The following ZZZ3 variants were observed in gnomAD, a reference collection of about 807,000 sequenced individuals.
The protein encoded by ZZZ3 is ZZ-type zinc finger-containing protein 3.
ZZZ3 carries 22 observed loss-of-function variants against 95.2 expected under a neutral mutation model. The ratio of observed to expected loss-of-function variants is 0.23; its 90% CI spans 0.17 to 0.33. ZZZ3 has a LOEUF of 0.33. Among genes scored for constraint, ZZZ3 ranks in the 10% least tolerant of loss-of-function variants. The probability of loss-of-function intolerance (pLI) is 1.00; values close to 1 mark genes in which losing one functional copy is unlikely to be tolerated. For synonymous variants in ZZZ3, 335 were observed against 358.9 expected (o/e 0.93, Z 0.75); for missense variants, 885 against 1,066.5 (o/e 0.83, Z 2.37).
chr1:77,590,573 A>G (rs1168245709), intron 5 of ZZZ3, among the ~76,000 whole-genome samples: 1 of 152,254 alleles, frequency 6.6e-6, no homozygotes, highest in African/African-American at 2.4e-5. Context: ...AAAGTTTGCC[A>G]AGCCATGCTC....
At chr1:77,610,349 G>A (rs1665669093) in intron 5 of ZZZ3, among the ~76,000 whole-genome samples, 1 of 151,834 alleles carries the variant, frequency 6.6e-6, no homozygotes, top group Non-Finnish European at 1.5e-5. Flanking sequence ...AGAAAACCCT[G>A]GGACCCAATG....
At chr1:77,581,951 C>A in intron 7 of ZZZ3, 28 bp downstream of exon 7, 1 of 1,600,684 alleles carries the variant, frequency 6.2e-7, no homozygotes, top group South Asian at 1.1e-5. Flanking sequence ...TATTTTTCTA[C>A]TTAAATTCTT....
chr1:77,655,316 G>A (rs796414769), intron 1 of ZZZ3, among the ~76,000 whole-genome samples: 67 of 152,278 alleles, frequency 4.4e-4, no homozygotes, highest in African/African-American at 1.6e-3. Context: ...CATATGATAA[G>A]CCAATAAAAG....
chr1:77,613,834 T>C (rs1666048263), intron 5 of ZZZ3, among the ~76,000 whole-genome samples: 1 of 152,118 alleles, frequency 6.6e-6, no homozygotes, highest in African/African-American at 2.4e-5. Context: ...TTTGAAAATC[T>C]AGGATCTCTT....
chr1:77,581,260 T>G (rs1662493077), intron 8 of ZZZ3, among the ~76,000 whole-genome samples, 191 bp from the exon 9 acceptor site: 1 of 152,246 alleles, frequency 6.6e-6, no homozygotes, highest in South Asian at 2.1e-4. Flanking sequence ...TTGTTTGGTT[T>G]TATACTCTCA....
intron 5 of ZZZ3, among the ~76,000 whole-genome samples, chr1:77,630,357 T>G (rs1004141209): frequency 6.6e-6 from 1 of 151,952 alleles, no homozygotes; most frequent in African/African-American, 2.4e-5. Context: ...GTGCCTGTAG[T>G]CCCAGCTACT....
intron 5 of ZZZ3, among the ~76,000 whole-genome samples, chr1:77,598,916 G>A (rs1219405241): frequency 1.3e-5 from 2 of 152,094 alleles, no homozygotes; most frequent in African/African-American, 4.8e-5. Flanking sequence ...CACTTCTACT[G>A]TTTCAATTTT....
chr1:77,629,180 C>T (rs1200175653), intron 5 of ZZZ3, among the ~76,000 whole-genome samples: 1 of 152,106 alleles, frequency 6.6e-6, no homozygotes, highest in Non-Finnish European at 1.5e-5. Flanking sequence ...AGGAAAGAGA[C>T]TTTACTGAAA....
Position 77,576,143 on chromosome 1 carries a change from C to T in ZZZ3, c.2256G>A (p.Pro752=), listed in dbSNP as rs755864004. 10 of 1,613,030 alleles carry T rather than the reference C, an allele frequency of 6.2e-6. No homozygotes were observed. Among genetic ancestry groups the T allele is most frequent in the South Asian group, 1.1e-5 (1 of 90,976 alleles). The change falls in exon 12 of 15, where the codon CCG becomes CCA. Residue 752 remains proline (P), a synonymous_variant. Transcript: ENST00000370801. The part of the protein sequence containing the change: ...KPSTFMTSHE[P]PVYMDEDDDR... Reference sequence around the variant, plus strand: ...CATCATCTTCATCCATATACACTGGCGGTTCATGTGAAGTCATGAAAGTGG... The same window carrying T: ...CATCATCTTCATCCATATACACTGGTGGTTCATGTGAAGTCATGAAAGTGG...
intron 5 of ZZZ3, among the ~76,000 whole-genome samples, chr1:77,618,345 C>G (rs1450024812): frequency 7.2e-6 from 1 of 138,794 alleles, no homozygotes; most frequent in Non-Finnish European, 1.5e-5. Context: ...TAGTCAAGAA[C>G]CAGGTTCTCT....
chr1:77,652,553 G>A (rs946592363), intron 1 of ZZZ3, among the ~76,000 whole-genome samples: 9 of 152,292 alleles, frequency 5.9e-5, no homozygotes, highest in African/African-American at 2.2e-4. Flanking sequence ...CAACAAGTTA[G>A]ACATACAATT....
intron 4 of ZZZ3, among the ~76,000 whole-genome samples, chr1:77,633,911 C>T (rs974799496): frequency 6.6e-6 from 1 of 152,134 alleles, no homozygotes; most frequent in African/African-American, 2.4e-5. Context: ...GTGGCTCACA[C>T]CTGTAATCTT....
chr1:77,596,191 C>T (rs1001847287), intron 5 of ZZZ3, among the ~76,000 whole-genome samples: 2 of 152,038 alleles, frequency 1.3e-5, no homozygotes, highest in Admixed American at 6.6e-5. Flanking sequence ...AGACTTTAAT[C>T]AAAGTTATTC....
chr1:77,676,667 C>T (rs780883186), intron 1 of ZZZ3, among the ~76,000 whole-genome samples: 3 of 151,968 alleles, frequency 2.0e-5, no homozygotes, highest in Non-Finnish European at 2.9e-5. Context: ...AATAAGGAAA[C>T]AAACACCACA....
At position 77,638,056 on chromosome 1, in the gene ZZZ3, T is replaced by C. The variant is rs145824086; in HGVS notation, c.-52+1393A>G. Among the ~76,000 whole-genome samples the C allele has an allele frequency of 1.5e-3, 233 of 152,334 alleles. 2 individuals are homozygous for C. The highest frequency in any genetic ancestry group is 5.3e-3 in the African/African-American group (221 of 41,570). ...AACAACTACACTGGAGTTTTTCCTA[T>C]ATGTTATCTACCAAATAATGAATGG... On this transcript the variant is annotated intron_variant, in intron 4 of 14. Transcript: ENST00000370801.
chr1:77,670,275 G>C (rs902381155), intron 1 of ZZZ3, among the ~76,000 whole-genome samples: 7 of 150,724 alleles, frequency 4.6e-5, no homozygotes, highest in Admixed American at 1.3e-4. Flanking sequence ...TTTTTTTTGG[G>C]GGGGGGCAGA....
At chr1:77,674,812 C>T (rs1462784268) in intron 1 of ZZZ3, among the ~76,000 whole-genome samples, 2 of 151,682 alleles carry the variant, frequency 1.3e-5, no homozygotes, top group Non-Finnish European at 2.9e-5. Flanking sequence ...ATGAGCTGCA[C>T]ATAGTGGCGT....
At chr1:77,665,935 A>G (rs570562879) in intron 1 of ZZZ3, among the ~76,000 whole-genome samples, 8 of 152,100 alleles carry the variant, frequency 5.3e-5, no homozygotes, top group Non-Finnish European at 7.4e-5. Context: ...CCGCTACTCA[A>G]GAGGCTGAGG....
chr1:77,584,732 T>C lies in ZZZ3; in HGVS notation c.1506-77A>G, dbSNP rs973460781. ...AATAAAAACTGAGTTCAAGCCATGATCTACTATTAAGTCACACAGTCTTTT... is the reference window on the plus strand; with the variant it reads ...AATAAAAACTGAGTTCAAGCCATGACCTACTATTAAGTCACACAGTCTTTT... On this transcript the variant is annotated intron_variant, in intron 5 of 14. Transcript: ENST00000370801. 4.9e-6 allele frequency: 6 copies of C among 1,236,070 alleles called. No individual in the cohort carries two copies. In the African/African-American group the frequency reaches 7.5e-5, roughly 16 times the overall value. 76.6% of individuals were successfully genotyped at this position (1,236,070 alleles called of 1,614,324 possible).
Sources: gnomAD v4.1 joint callset for allele counts (sites outside exome capture counted in the v4.1 genomes callset) on GRCh38, gnomAD v4.1.1 for gene constraint, MANE v1.5 for transcripts, NCBI Gene and HGNC (gene_info 2026-07-23, HGNC 2026-07-21) for gene names.